Variants in XKR4 observed in about 807,000 individuals in gnomAD.
XKR4 encodes the protein XK related 4.
Under a neutral mutation model 53.9 loss-of-function variants are expected in XKR4, and 12 were observed. The observed-to-expected ratio is 0.22, with a 90% confidence interval of 0.14 to 0.36. XKR4 has a LOEUF of 0.36. Among genes scored for constraint, XKR4 ranks in the 10% least tolerant of loss-of-function variants. The pLI, the probability that XKR4 is intolerant of heterozygous loss-of-function variation, is 1.00. For missense variants in XKR4, 799 were observed against 859.5 expected (o/e 0.93, Z 0.88); for synonymous variants, 354 against 362.4 (o/e 0.98, Z 0.26).
chr8:55,202,037 A>G (rs1817582497), intron 1 of XKR4, among the ~76,000 whole-genome samples: 1 of 152,248 alleles, frequency 6.6e-6, no homozygotes, highest in African/African-American at 2.4e-5. Flanking sequence ...GCATTAAAGA[A>G]GAGTAACTGC....
At chr8:55,356,773 C>A (rs1246520390) in intron 1 of XKR4, among the ~76,000 whole-genome samples, 2 of 152,132 alleles carry the variant, frequency 1.3e-5, no homozygotes, top group South Asian at 2.1e-4. Flanking sequence ...TTGAACAATA[C>A]AAGTTTGAAC....
intron 1 of XKR4, among the ~76,000 whole-genome samples, chr8:55,313,874 C>T (rs10108706): frequency 0.11 from 16,940 of 152,094 alleles, 1,797 homozygotes; most frequent in African/African-American, 0.28. Flanking sequence ...AGGTAATTCA[C>T]CAAGTTTTTC....
chr8:55,115,077 C>T lies in XKR4; in HGVS notation c.806+11783C>T, dbSNP rs370969262. Among the ~76,000 whole-genome samples, 52 of 152,226 alleles carry T rather than the reference C, an allele frequency of 3.4e-4. 1 individual carries two copies. The highest frequency in any genetic ancestry group is 2.7e-3 in the South Asian group (13 of 4,816). On this transcript the variant is annotated intron_variant, in intron 1 of 2. Transcript: ENST00000327381. ...CAGCATCTCTTGGAAGCTTCTCAGACGTGCAGAATCTCAGGCCCACCCTAG... is the reference window on the plus strand; with the variant it reads ...CAGCATCTCTTGGAAGCTTCTCAGATGTGCAGAATCTCAGGCCCACCCTAG...
At chr8:55,466,152 A>T (rs1417033477) in intron 2 of XKR4, among the ~76,000 whole-genome samples, 1 of 152,168 alleles carries the variant, frequency 6.6e-6, no homozygotes, top group African/African-American at 2.4e-5. Flanking sequence ...TACCCAAAGG[A>T]TTATAAATCA....
At chr8:55,382,642 G>A (rs372383001) in intron 2 of XKR4, among the ~76,000 whole-genome samples, 3 of 152,284 alleles carry the variant, frequency 2.0e-5, no homozygotes, top group African/African-American at 4.8e-5. Context: ...TTAAGGGGGG[G>A]AAATTCGTCT....
intron 2 of XKR4, chr8:55,452,353 G>A (rs1805462682): frequency 3.2e-6 from 2 of 630,284 alleles, no homozygotes; most frequent in South Asian, 1.7e-5. Context: ...CCCACCAGGG[G>A]GTCTGTGAGC....
intron 2 of XKR4, among the ~76,000 whole-genome samples, chr8:55,365,792 C>T (rs1803974434): frequency 6.6e-6 from 1 of 151,480 alleles, no homozygotes; most frequent in Non-Finnish European, 1.5e-5. Flanking sequence ...AAGTGATGCT[C>T]ATGAAATCAG....
chr8:55,245,999 G>T (rs1818280486), intron 1 of XKR4, among the ~76,000 whole-genome samples: 1 of 152,230 alleles, frequency 6.6e-6, no homozygotes, highest in African/African-American at 2.4e-5. Flanking sequence ...CTATTCAGGA[G>T]GCTGAGGCAC....
chr8:55,316,140 C>G (rs754467601), intron 1 of XKR4, among the ~76,000 whole-genome samples: 1 of 150,754 alleles, frequency 6.6e-6, no homozygotes, highest in Non-Finnish European at 1.5e-5. Context: ...AATGTGGCCC[C>G]CTCCAAAGTA....
chr8:55,226,193 A>G (rs566987260), intron 1 of XKR4, among the ~76,000 whole-genome samples: 5 of 152,358 alleles, frequency 3.3e-5, no homozygotes, highest in African/African-American at 1.2e-4. Flanking sequence ...ACAAAACAGA[A>G]TTTATTTGAA....
At chr8:55,146,441 C>G (rs1271195667) in intron 1 of XKR4, among the ~76,000 whole-genome samples, 3 of 152,236 alleles carry the variant, frequency 2.0e-5, no homozygotes, top group South Asian at 2.1e-4. Context: ...ACCATATTTT[C>G]TAGAAGAGTG....
chr8:55,176,770 A>G (rs540353108), intron 1 of XKR4, among the ~76,000 whole-genome samples: 17 of 152,042 alleles, frequency 1.1e-4, no homozygotes, highest in Non-Finnish European at 2.1e-4. Flanking sequence ...TTTTTTTCTC[A>G]TACATAAATA....
chr8:55,294,327 C>T (rs181241311), intron 1 of XKR4, among the ~76,000 whole-genome samples: 190 of 152,290 alleles, frequency 1.2e-3, no homozygotes, highest in African/African-American at 4.2e-3. Flanking sequence ...TAAATATACA[C>T]CAACTACTCC....
chr8:55,277,719 T>G (rs1157054953), intron 1 of XKR4, among the ~76,000 whole-genome samples: 1 of 152,194 alleles, frequency 6.6e-6, no homozygotes, highest in African/African-American at 2.4e-5. Context: ...CAACCTGTAC[T>G]TACATACACA....
chr8:55,289,646 A>AAAGG (rs770482436), intron 1 of XKR4, among the ~76,000 whole-genome samples: 4,202 of 86,434 alleles, frequency 0.049, 582 homozygotes, highest in African/African-American at 0.1. Context: ...AGAAAGAAAG[A>AAAGG]AAGGAAGGAA....
intron 2 of XKR4, chr8:55,453,309 T>C (rs1240901386): frequency 1.7e-5 from 8 of 482,996 alleles, no homozygotes; most frequent in Admixed American, 2.3e-5. Context: ...ATCATACTGA[T>C]GACAAAGTCA....
chr8:55,150,942 C>A (rs968853600), intron 1 of XKR4, among the ~76,000 whole-genome samples: 20 of 152,206 alleles, frequency 1.3e-4, no homozygotes, highest in African/African-American at 3.1e-4. Flanking sequence ...TCTCCCTGCA[C>A]CATTCCGTCT....
At chr8:55,198,093 G>T (rs1029262298) in intron 1 of XKR4, among the ~76,000 whole-genome samples, 1 of 152,160 alleles carries the variant, frequency 6.6e-6, no homozygotes, top group African/African-American at 2.4e-5. Context: ...TTCATGAAGC[G>T]CAGGAACATC....
intron 2 of XKR4, among the ~76,000 whole-genome samples, chr8:55,495,355 C>T (rs1385947286): frequency 6.6e-6 from 1 of 152,246 alleles, no homozygotes; most frequent in Admixed American, 6.5e-5. Flanking sequence ...CAGCTGCACC[C>T]AAGGAGCTCC....
Sources: gnomAD v4.1 joint callset for allele counts (sites outside exome capture counted in the v4.1 genomes callset) on GRCh38, gnomAD v4.1.1 for gene constraint, MANE v1.5 for transcripts, NCBI Gene and HGNC (gene_info 2026-07-23, HGNC 2026-07-21) for gene names.